The following EPHX3 variants were observed in gnomAD, a reference collection of about 807,000 sequenced individuals.
The protein encoded by EPHX3 is epoxide hydrolase 3.
In EPHX3, 39 loss-of-function variants were observed where a neutral mutation model predicts 40.2. The observed-to-expected ratio is 0.97, with a 90% CI of 0.75 to 1.27. The LOEUF (loss-of-function observed/expected upper bound fraction) is 1.27. EPHX3 is among the 50% of genes most tolerant of loss of function. The pLI is 0.00. For missense variants in EPHX3, 442 were observed against 474.0 expected, an observed-to-expected ratio of 0.93 and a Z score of 0.63; for synonymous variants, 213 against 209.7, an observed-to-expected ratio of 1.02 and a Z score of -0.14.
chr19:15,228,129 T>G, intron 4 of EPHX3, 29 bp from the exon 5 acceptor site: 1 of 1,529,692 alleles, frequency 6.5e-7, no homozygotes, highest in Non-Finnish European at 8.9e-7. Context: ...GGGAGAGATA[T>G]AAGGCCTGCT....
chr19:15,227,770 C>T lies in EPHX3; in HGVS notation c.857+1G>A, dbSNP rs1294876339. ...AGCTTATGCTTGGCAACTGGTCTCA[C>T]CTGAAGAGGTTTCGGTAGTAGTTGA... On this transcript the variant is annotated splice_donor_variant, in intron 6 of 6. Coordinates refer to ENST00000221730, the MANE Select transcript of EPHX3 (RefSeq NM_024794.3). LOFTEE classifies it high-confidence loss of function. 6.2e-6 allele frequency: 10 copies of T among 1,613,780 alleles called. No homozygotes were observed. The highest frequency in any genetic ancestry group is 1.1e-5 in the South Asian group (1 of 91,068).
At position 15,232,325 on chromosome 19, in the gene EPHX3, C is replaced by T. The variant is rs1392563410; in HGVS notation, c.-114G>A. On this transcript the variant is annotated 5_prime_UTR_variant, in exon 1 of 7. Transcript: ENST00000221730. ...CCCTTGGCCTGGGGCCCCTCCGTGC[C>T]GTCGGGATTTGTGGGACGCGCTGAA... 2 of 1,378,208 alleles carry T rather than the reference C, an allele frequency of 1.5e-6. No homozygotes were observed. Among genetic ancestry groups the T allele is most frequent in the Non-Finnish European group, 1.9e-6 (2 of 1,075,988 alleles). The allele number at this position is 1,378,208 out of a possible 1,614,324, so 85.4% of individuals were successfully genotyped here.
rs1271026703 is a variant in EPHX3, at chr19:15,232,036, C to A, written c.176G>T (p.Arg59Leu). Residue 59 changes from arginine to leucine, a missense_variant, in exon 1 of 7, where the codon CGT (arginine) becomes CTT (leucine). Physicochemically the swap from Arg to Leu is moderately radical, Grantham distance 102 (BLOSUM62 -2). Coordinates refer to ENST00000221730, the MANE Select transcript of EPHX3 (RefSeq NM_024794.3). ...CAGGCAGGCGGGGGACGCGCTCCGA[C>A]GGCGCCCGCAGCAGCCGCGCCGGGG... is the stretch of plus-strand genomic sequence containing the variant. ...CRPRRGCCGR[R>L]RSASPACLSD... 1.9e-6 allele frequency: 3 copies of A among 1,587,140 alleles called. No homozygotes were observed. The highest frequency in any genetic ancestry group is 1.7e-5 in the Admixed American group (1 of 57,512).
chr19:15,236,813 A>G (rs1395379326), upstream of EPHX3: 1 of 180,260 alleles, frequency 5.5e-6, no homozygotes, highest in Non-Finnish European at 1.2e-5. Context: ...TTGGTTCACA[A>G]AGAAATGTCA....
intron 4 of EPHX3, among the ~76,000 whole-genome samples, chr19:15,229,908 A>G (rs1275744042): frequency 2.8e-5 from 4 of 141,752 alleles, no homozygotes; most frequent in Admixed American, 2.1e-4. Flanking sequence ...AAAAAAAAAA[A>G]AAAGAAAAGA....
chr19:15,230,813 G>A, intron 4 of EPHX3, 149 bp downstream of exon 4: 2 of 1,030,110 alleles, frequency 1.9e-6, no homozygotes, highest in South Asian at 1.7e-5. Context: ...TTCCGAATGA[G>A]GAGTTCCACA....
chr19:15,234,016 C>T (rs992677898), upstream of EPHX3, among the ~76,000 whole-genome samples: 5 of 151,024 alleles, frequency 3.3e-5, no homozygotes, highest in South Asian at 2.1e-4. Context: ...GCTGAGATTG[C>T]GCCACTGCAC....
chr19:15,230,806 C>G (rs79138793), intron 4 of EPHX3, among the ~76,000 whole-genome samples, 156 bp downstream of exon 4: 11 of 152,136 alleles, frequency 7.2e-5, no homozygotes, highest in Non-Finnish European at 1.6e-4. Flanking sequence ...CATTAATTTC[C>G]GAATGAGGAG....
At chr19:15,230,590 C>T (rs1447155443) in intron 4 of EPHX3, among the ~76,000 whole-genome samples, 2 of 152,154 alleles carry the variant, frequency 1.3e-5, no homozygotes, top group Admixed American at 1.3e-4. Context: ...AAGAGATTCT[C>T]CTGCATCAGC....
At chr19:15,229,610 A>AAAG (rs1555733315) in intron 4 of EPHX3, among the ~76,000 whole-genome samples, 4 of 145,766 alleles carry the variant, frequency 2.7e-5, no homozygotes, top group African/African-American at 5.1e-5. Flanking sequence ...AAAAAAAAAA[A>AAAG]GGGGCCAGGC....
Position 15,227,469 on chromosome 19 carries a change from T to G in EPHX3, c.1051A>C (p.Met351Leu). ...AGCAGGTCTTGCAAGAAGGCCCACA[T>G]GTACTGGTGCATCTCCTGGGGGTTG... ...QSNPQEMHQY[M>L]WAFLQDLLD The change falls in exon 7 of 7, where the codon ATG becomes CTG. Residue 351 changes from methionine (M) to leucine (L), a missense_variant. Met to Leu is a conservative substitution (Grantham distance 15). Transcript: ENST00000221730. 6.2e-7 allele frequency: 1 copy of G among 1,614,156 alleles called. No individual in the cohort carries two copies. The highest frequency in any genetic ancestry group is 8.5e-7 in the Non-Finnish European group (1 of 1,180,024).
Position 15,228,015 on chromosome 19 carries a change from C to G in EPHX3, c.702G>C (p.Leu234=), listed in dbSNP as rs750656476. The part of the protein sequence containing the change: ...FQLPWLPEKL[L]SMSDFQILKT... ...TCTGTACCTGAAAGTCAGACATAGA[C>G]AGCAGCTTCTCGGGCAGCCAGGGCA... Residue 234 remains leucine (L), a synonymous_variant, in exon 5 of 7, where the codon CTG becomes CTC. Coordinates refer to ENST00000221730, the MANE Select transcript of EPHX3 (RefSeq NM_024794.3). The G allele has an allele frequency of 6.2e-7, 1 of 1,613,664 alleles. No homozygotes were observed. The highest frequency in any genetic ancestry group is 1.1e-5 in the South Asian group (1 of 91,068).
In EPHX3 at chr19:15,231,105, G is replaced by C; in HGVS notation, c.488-15C>G. On this transcript the variant is annotated splice_polypyrimidine_tract_variant and intron_variant, in intron 3 of 6. Coordinates refer to ENST00000221730, the MANE Select transcript of EPHX3 (RefSeq NM_024794.3). ...CTTCGAGTAACCTGTGGGAATTCAA[G>C]GAGCTCGCATAAGTGAGGTGCCCAG... 6.2e-7 allele frequency: 1 copy of C among 1,613,858 alleles called. No homozygotes were observed. Among genetic ancestry groups the C allele is most frequent in the Non-Finnish European group, 8.5e-7 (1 of 1,179,910 alleles).
At chr19:15,228,222 T>C in intron 4 of EPHX3, 122 bp from the exon 5 acceptor site, 1 of 771,220 alleles carries the variant, frequency 1.3e-6, no homozygotes, top group Non-Finnish European at 2.1e-6. Context: ...GCTGCCTGCC[T>C]GGGTCTGTGA....
chr19:15,231,509 A>C, intron 2 of EPHX3, 113 bp from the exon 3 acceptor site: 4 of 1,348,436 alleles, frequency 3.0e-6, no homozygotes, highest in African/African-American at 1.5e-5. Flanking sequence ...ACTTCCCCTA[A>C]AAGGAGGATG....
At chr19:15,231,662 C>T in intron 2 of EPHX3, 114 bp downstream of exon 2, 1 of 1,160,572 alleles carries the variant, frequency 8.6e-7, no homozygotes, top group Non-Finnish European at 1.3e-6. Flanking sequence ...ACCCCTATCC[C>T]CATCTATGTT....
At chr19:15,231,157 T>C (rs1414565737) in intron 3 of EPHX3, 67 bp from the exon 4 acceptor site, 1 of 1,611,832 alleles carries the variant, frequency 6.2e-7, no homozygotes, top group Non-Finnish European at 8.5e-7. Context: ...ATGGGGGAAG[T>C]AGGTTCCAGC....
rs760892953 is a variant in EPHX3, at chr19:15,232,057, C to A, written c.155G>T (p.Arg52Leu). ...IALTHVLCRP[R>L]RGCCGRRRSA... ...CCGACGGCGCCCGCAGCAGCCGCGC[C>A]GGGGCCGGCACAGCACGTGCGTGAG... The change falls in exon 1 of 7, where the codon CGG (arginine) becomes CTG (leucine). Residue 52 changes from arginine to leucine, a missense_variant. By Grantham distance (102) the Arg-to-Leu change is moderately radical. Transcript: ENST00000221730. The A allele has an allele frequency of 1.3e-6, 2 of 1,578,408 alleles. No individual in the cohort carries two copies. Among genetic ancestry groups the A allele is most frequent in the South Asian group, 2.3e-5 (2 of 88,860 alleles).
At chr19:15,236,473 G>C (rs2047192780), upstream of EPHX3, 1 of 151,620 alleles carries the variant, frequency 6.6e-6, no homozygotes, top group South Asian at 2.1e-4. Context: ...AGGCAAGGTG[G>C]GAGAAGTGGC....
Sources: gnomAD v4.1 joint callset for allele counts (sites outside exome capture counted in the v4.1 genomes callset) on GRCh38, gnomAD v4.1.1 for gene constraint, MANE v1.5 for transcripts, NCBI Gene and HGNC (gene_info 2026-07-23, HGNC 2026-07-21) for gene names.